The following MLLT10 variants were observed in gnomAD, a reference collection of about 807,000 sequenced individuals.
MLLT10 encodes protein AF-10.
MLLT10 carries 30 observed loss-of-function variants against 129.1 expected under a neutral mutation model. The ratio of observed to expected loss-of-function variants is 0.23; its 90% CI spans 0.17 to 0.32. MLLT10 has a LOEUF of 0.32. Among genes scored for constraint, MLLT10 ranks in the 10% least tolerant of loss-of-function variants. The pLI is 1.00. For synonymous variants in MLLT10, 490 were observed against 446.4 expected, an observed-to-expected ratio of 1.10 and a Z score of -1.23; for missense variants, 1,119 against 1,268.3, an observed-to-expected ratio of 0.88 and a Z score of 1.79.
At chr10:21,576,380 C>G (rs1204314446) in intron 3 of MLLT10, among the ~76,000 whole-genome samples, 1 of 150,222 alleles carries the variant, frequency 6.7e-6, no homozygotes, top group African/African-American at 2.5e-5. Context: ...GTAGCTGGGA[C>G]TACAGGCACC....
rs542617419 is a variant in MLLT10 at position 21,606,188 on chromosome 10, A to G, written c.406-6160A>G. Among the ~76,000 whole-genome samples the G allele has an allele frequency of 1.0e-3, 152 of 151,772 alleles. 2 individuals are homozygous for G. The highest frequency in any genetic ancestry group is 3.4e-3 in the African/African-American group (142 of 41,380). On this transcript the variant is annotated intron_variant, in intron 5 of 22. Transcript: ENST00000307729. ...GCTGGCTGTTCCCTCATCTCTCTCT[A>G]CTCTCCTTAGGCCTCCTTGTTCCCT...
chr10:21,562,917 T>C (rs1449363471), intron 3 of MLLT10, among the ~76,000 whole-genome samples: 2 of 149,248 alleles, frequency 1.3e-5, no homozygotes, highest in Non-Finnish European at 1.5e-5. Context: ...CCTCCTGGGT[T>C]CAAGGAATTC....
intron 4 of MLLT10, among the ~76,000 whole-genome samples, chr10:21,592,669 G>A (rs1215420532): frequency 6.6e-6 from 1 of 152,232 alleles, no homozygotes; most frequent in Admixed American, 6.5e-5. Context: ...TGTTAGCCAG[G>A]ATGGTCTTGA....
At chr10:21,723,051 C>T (rs574501646) in intron 14 of MLLT10, among the ~76,000 whole-genome samples, 3 of 152,162 alleles carry the variant, frequency 2.0e-5, no homozygotes, top group African/African-American at 4.8e-5. Context: ...TTAGCTAACC[C>T]GTTTGGGAAA....
chr10:21,625,689 T>C (rs549372750), intron 8 of MLLT10: 61 of 765,928 alleles, frequency 8.0e-5, no homozygotes, highest in Middle Eastern at 2.3e-4. Flanking sequence ...TTCTTCAGAA[T>C]GGATCCAACA....
chr10:21,670,360 A>G (rs2051266324), intron 9 of MLLT10, 89 bp from the exon 10 acceptor site: 1 of 1,265,772 alleles, frequency 7.9e-7, no homozygotes, highest in African/African-American at 1.5e-5. Flanking sequence ...TTATTCTGCA[A>G]GTTCTTCTTA....
chr10:21,670,919 C>T, intron 10 of MLLT10: 2 of 478,640 alleles, frequency 4.2e-6, no homozygotes, highest in East Asian at 3.4e-5. Flanking sequence ...ATGATTTGTG[C>T]TTCCAGAGTT....
intron 8 of MLLT10, among the ~76,000 whole-genome samples, chr10:21,642,463 C>G (rs2048102956): frequency 1.3e-5 from 2 of 152,138 alleles, no homozygotes; most frequent in Admixed American, 1.3e-4. Flanking sequence ...TTAAGACCAG[C>G]CTGGCCAACA....
intron 16 of MLLT10, among the ~76,000 whole-genome samples, chr10:21,728,897 T>A (rs141222639): frequency 6.6e-6 from 1 of 152,030 alleles, no homozygotes; most frequent in East Asian, 1.9e-4. Flanking sequence ...AAAATGAACT[T>A]TTTCATGTGA....
chr10:21,542,012 A>AACATG (rs2035254882), intron 3 of MLLT10, among the ~76,000 whole-genome samples: 2 of 152,180 alleles, frequency 1.3e-5, no homozygotes, highest in South Asian at 2.1e-4. Flanking sequence ...GTTTGTGGTG[A>AACATG]ATAGGTCACT....
chr10:21,601,129 A>G (rs2043487915), intron 5 of MLLT10, among the ~76,000 whole-genome samples: 1 of 152,080 alleles, frequency 6.6e-6, no homozygotes, highest in South Asian at 2.1e-4. Context: ...TATTTTTTAT[A>G]GAGATAGGAT....
intron 8 of MLLT10, among the ~76,000 whole-genome samples, chr10:21,620,155 C>G (rs1020382055): frequency 6.6e-6 from 1 of 152,074 alleles, no homozygotes; most frequent in Admixed American, 6.5e-5. Context: ...GTCTCGAACT[C>G]CTGACCTCGT....
intron 2 of MLLT10, among the ~76,000 whole-genome samples, chr10:21,537,676 C>T (rs1309438458): frequency 6.6e-6 from 1 of 152,010 alleles, no homozygotes. Flanking sequence ...ACCATCTTGG[C>T]CAGGCTGGTC....
chr10:21,684,056 G>T (rs368347666), intron 13 of MLLT10, among the ~76,000 whole-genome samples: 16 of 151,798 alleles, frequency 1.1e-4, no homozygotes, highest in African/African-American at 3.6e-4. Context: ...ACCCAGGCTG[G>T]TGTGCAGTGG....
At chr10:21,670,778 G>A (rs2051313170) in intron 10 of MLLT10, 74 bp downstream of exon 10, 3 of 1,481,200 alleles carry the variant, frequency 2.0e-6, no homozygotes, top group East Asian at 2.3e-5. Context: ...AAAATAATTG[G>A]TTTGTTTTTG....
intron 21 of MLLT10, among the ~76,000 whole-genome samples, chr10:21,739,615 ATGG>A: frequency 6.6e-6 from 1 of 152,222 alleles, no homozygotes; most frequent in South Asian, 2.1e-4. Context: ...TATACGCTGC[ATGG>A]AGTATATGCT....
At chr10:21,614,225 CAAA>C (rs34546142) in intron 6 of MLLT10, among the ~76,000 whole-genome samples, 71 of 81,010 alleles carry the variant, frequency 8.8e-4, no homozygotes, top group Middle Eastern at 8.5e-3. Flanking sequence ...TTTTTTTTTT[CAAA>C]AAAAAAAAAA....
intron 8 of MLLT10, among the ~76,000 whole-genome samples, chr10:21,649,965 G>C (rs1042760113): frequency 6.6e-6 from 1 of 152,040 alleles, no homozygotes; most frequent in African/African-American, 2.4e-5. Flanking sequence ...ATAACTTTAG[G>C]ATAAAAATGT....
At chr10:21,700,423 G>A (rs887564977) in intron 13 of MLLT10, among the ~76,000 whole-genome samples, 3 of 152,090 alleles carry the variant, frequency 2.0e-5, no homozygotes, top group Non-Finnish European at 4.4e-5. Flanking sequence ...TTGTGAAGGT[G>A]GGTGTTCTTG....
Sources: allele counts gnomAD v4.1 joint callset (sites outside exome capture counted in the v4.1 genomes callset), GRCh38; gene constraint gnomAD v4.1.1; transcripts MANE v1.5; gene names NCBI Gene and HGNC (gene_info 2026-07-23, HGNC 2026-07-21).